Variants in RBMS2 observed in about 807,000 individuals in gnomAD.
The protein encoded by RBMS2 is RNA binding motif single stranded interacting protein 2.
Under a neutral mutation model 58.4 loss-of-function variants are expected in RBMS2, and 38 were observed. That is an observed-to-expected ratio of 0.65 (90% confidence interval 0.50 to 0.85). The LOEUF is 0.85. Ranked by LOEUF, RBMS2 falls within the 40% of genes least tolerant of loss-of-function variation. The pLI, the probability that RBMS2 is intolerant of heterozygous loss-of-function variation, is 0.00. For synonymous variants in RBMS2, 151 were observed against 180.7 expected (o/e 0.84, Z 1.32); for missense variants, 367 against 503.7 (o/e 0.73, Z 2.60).
At position 56,539,866 on chromosome 12, in the gene RBMS2, C is replaced by T. The variant is rs1263996719; in HGVS notation, c.66+17777C>T. ...ATAAACCTTCTAAAAACTGAGAGGC[C>T]GGATGCTTCATTACATTCCAGCTTC... On this transcript the variant is annotated intron_variant, in intron 1 of 13. Transcript: ENST00000262031. 6 of 260,030 alleles carry T rather than the reference C, an allele frequency of 2.3e-5. No individual in the cohort carries two copies. The East Asian group carries it at 4.2e-4, about 18-fold the overall frequency. 16.1% of individuals were successfully genotyped at this position (260,030 alleles called of 1,614,324 possible).
At chr12:56,577,387 GACA>G (rs1375649643) in intron 5 of RBMS2, among the ~76,000 whole-genome samples, 5 of 151,428 alleles carry the variant, frequency 3.3e-5, no homozygotes, top group African/African-American at 9.7e-5. Flanking sequence ...CTCCAGCCTG[GACA>G]ACAAGAGCGA....
At position 56,586,055 on chromosome 12, in the gene RBMS2, A is replaced by G. The variant is rs142231838; in HGVS notation, c.874-794A>G. ...AAAAGTAGCCAGGTGTGGGCCGGGCACGGTGGCTCACGCCTGTAATCCCAG... is the reference window on the plus strand; with the variant it reads ...AAAAGTAGCCAGGTGTGGGCCGGGCGCGGTGGCTCACGCCTGTAATCCCAG... On this transcript the variant is annotated intron_variant, in intron 9 of 13. Coordinates refer to ENST00000262031, the MANE Select transcript of RBMS2 (RefSeq NM_002898.4). Among the ~76,000 whole-genome samples the G allele has an allele frequency of 8.9e-3, 1,356 of 151,936 alleles. 13 individuals carry two copies. Among genetic ancestry groups the G allele is most frequent in the African/African-American group, 0.03 (1,242 of 41,466 alleles).
chr12:56,582,562 G>A (rs536196244), intron 9 of RBMS2, among the ~76,000 whole-genome samples: 1 of 152,304 alleles, frequency 6.6e-6, no homozygotes, highest in South Asian at 2.1e-4. Flanking sequence ...TGAACAAGCA[G>A]CATCAGCATC....
chr12:56,549,183 C>T (rs1220235876), intron 1 of RBMS2, among the ~76,000 whole-genome samples: 3 of 151,858 alleles, frequency 2.0e-5, no homozygotes, highest in Non-Finnish European at 2.9e-5. Flanking sequence ...TTAGTAGAGA[C>T]GGGGTTTCAC....
intron 9 of RBMS2, among the ~76,000 whole-genome samples, chr12:56,582,714 G>T (rs1428682396): frequency 1.3e-5 from 2 of 152,202 alleles, no homozygotes; most frequent in Admixed American, 1.3e-4. Context: ...TGTTGCCCAG[G>T]CTGGAATGCA....
At chr12:56,558,137 T>C (rs1308930228) in intron 1 of RBMS2, among the ~76,000 whole-genome samples, 2 of 127,942 alleles carry the variant, frequency 1.6e-5, no homozygotes, top group African/African-American at 5.9e-5. Flanking sequence ...CTCTGCCTCC[T>C]CCTGGGTTCA....
chr12:56,566,474 AAG>A (rs1881363740), intron 2 of RBMS2, among the ~76,000 whole-genome samples: 3 of 152,216 alleles, frequency 2.0e-5, no homozygotes, highest in African/African-American at 7.2e-5. Flanking sequence ...CAAGTTTTAG[AAG>A]TTCCACATGA....
chr12:56,535,494 C>CA (rs59905092), intron 1 of RBMS2, among the ~76,000 whole-genome samples: 41,208 of 97,552 alleles, frequency 0.42, 9,020 homozygotes, highest in East Asian at 0.61. Context: ...GACTCCATCT[C>CA]AAAAAAAAAA....
chr12:56,531,624 G>A (rs183752758), intron 1 of RBMS2, among the ~76,000 whole-genome samples: 2 of 151,462 alleles, frequency 1.3e-5, no homozygotes, highest in Admixed American at 6.6e-5. Context: ...TCAGGAGTTC[G>A]AGACCAGCCT....
chr12:56,522,044 C>G lies in RBMS2; in HGVS notation c.21C>G (p.Ser7=). 1.9e-6 allele frequency: 3 copies of G among 1,594,868 alleles called. No homozygotes were observed. In the South Asian group the frequency reaches 3.3e-5, roughly 18 times the overall value. Residue 7 remains serine (S), a synonymous_variant, in exon 1 of 14, where the codon TCC becomes TCG. Coordinates refer to ENST00000262031, the MANE Select transcript of RBMS2 (RefSeq NM_002898.4). MLLSVT[S]RPGISTFGYN... ...AGAAAATGCTGCTATCCGTGACTTCCAGGCCCGGGATTTCGACTTTTGGCT... is the reference window on the plus strand; with the variant it reads ...AGAAAATGCTGCTATCCGTGACTTCGAGGCCCGGGATTTCGACTTTTGGCT...
rs973619853 is a variant in RBMS2 at position 56,529,611 on chromosome 12, GA to G, written c.66+7532del. Among the ~76,000 whole-genome samples the G allele has an allele frequency of 9.1e-3, 1,322 of 145,498 alleles. 9 individuals carry two copies. Among genetic ancestry groups the G allele is most frequent in the African/African-American group, 0.03 (1,174 of 39,698 alleles). On this transcript the variant is annotated intron_variant, in intron 1 of 13. Coordinates refer to ENST00000262031, the MANE Select transcript of RBMS2 (RefSeq NM_002898.4). ...ACAACAACAAAACAAATCTCTAGGG[GA>G]AAAAAAAAAGAAAAAAGGATGGAAT...
At chr12:56,532,218 TA>T (rs1423764131) in intron 1 of RBMS2, among the ~76,000 whole-genome samples, 1 of 146,594 alleles carries the variant, frequency 6.8e-6, no homozygotes, top group Non-Finnish European at 1.5e-5. Flanking sequence ...AAATTCTGTC[TA>T]AAAATTGTGA....
intron 1 of RBMS2, among the ~76,000 whole-genome samples, chr12:56,554,871 A>G (rs1400256784): frequency 2.0e-5 from 3 of 152,138 alleles, no homozygotes; most frequent in Non-Finnish European, 4.4e-5. Flanking sequence ...GTGCCATATT[A>G]TTTTTAATGG....
intron 1 of RBMS2, among the ~76,000 whole-genome samples, chr12:56,555,876 C>A (rs1026648722): frequency 6.6e-6 from 1 of 151,978 alleles, no homozygotes; most frequent in African/African-American, 2.4e-5. Context: ...AGGCATAAGC[C>A]ACCACAAATG....
intron 1 of RBMS2, among the ~76,000 whole-genome samples, chr12:56,533,054 C>T (rs908930217): frequency 6.6e-6 from 1 of 152,050 alleles, no homozygotes; most frequent in Non-Finnish European, 1.5e-5. Context: ...CCCACCTCAG[C>T]CTCCTGAGTA....
chr12:56,571,575 TA>T, intron 4 of RBMS2, 122 bp from the exon 5 acceptor site: 1 of 1,095,022 alleles, frequency 9.1e-7, no homozygotes, highest in Non-Finnish European at 1.3e-6. Context: ...ACAAATAGAA[TA>T]ATCTTTGTTT....
chr12:56,553,791 T>C (rs936686055), intron 1 of RBMS2, among the ~76,000 whole-genome samples: 1 of 151,386 alleles, frequency 6.6e-6, no homozygotes, highest in Non-Finnish European at 1.5e-5. Flanking sequence ...ATTGAGTCTT[T>C]TTTAAAAAAA....
chr12:56,581,093 G>A, intron 5 of RBMS2, 91 bp from the exon 6 acceptor site: 3 of 1,057,948 alleles, frequency 2.8e-6, no homozygotes, highest in South Asian at 2.5e-5. Context: ...CAGTTGTGGG[G>A]CTGGGAACTT....
rs1210414683 is a variant in RBMS2 at position 56,592,488 on chromosome 12, A to C, written c.*3355A>C. The C allele has an allele frequency of 1.3e-5, 2 of 152,080 alleles. No homozygotes were observed. Among genetic ancestry groups the C allele is most frequent in the Non-Finnish European group, 2.9e-5 (2 of 68,078 alleles). 9.4% of individuals were successfully genotyped at this position (152,080 alleles called of 1,614,324 possible). A position where few individuals can be genotyped will look rare whatever the true frequency, so the allele number is the denominator to read the frequency against. On this transcript the variant is annotated 3_prime_UTR_variant, in exon 14 of 14. Coordinates refer to ENST00000262031, the MANE Select transcript of RBMS2 (RefSeq NM_002898.4). Reference sequence around the variant, plus strand: ...GTAGAGAGGTCAGGAAGATGTGGAGATGATGATGGAGAGAGATGTTTTTAT... The same window carrying C: ...GTAGAGAGGTCAGGAAGATGTGGAGCTGATGATGGAGAGAGATGTTTTTAT...
Sources: gnomAD v4.1 joint callset for allele counts (sites outside exome capture counted in the v4.1 genomes callset) on GRCh38, gnomAD v4.1.1 for gene constraint, MANE v1.5 for transcripts, NCBI Gene and HGNC (gene_info 2026-07-23, HGNC 2026-07-21) for gene names.